Variants in KIF20B observed in about 807,000 individuals in gnomAD.
KIF20B encodes the protein kinesin family member 20B, also known as kinesin-like protein KIF20B.
KIF20B carries 188 observed loss-of-function variants against 232.5 expected under a neutral mutation model. That is an observed-to-expected ratio of 0.81 (90% CI 0.72 to 0.91). The LOEUF is 0.91. Ranked by LOEUF, KIF20B falls within the 40% of genes least tolerant of loss-of-function variation. The pLI, the probability that KIF20B is intolerant of heterozygous loss-of-function variation, is 0.00. For missense variants in KIF20B, 2,154 were observed against 2,055.9 expected (o/e 1.05, Z -0.92); for synonymous variants, 712 against 683.0 (o/e 1.04, Z -0.66).
At chr10:89,762,526 T>C in intron 28 of KIF20B, 112 bp from the exon 29 acceptor site, 1 of 742,922 alleles carries the variant, frequency 1.3e-6, no homozygotes, top group Non-Finnish European at 2.2e-6. Flanking sequence ...CTAGCACGCT[T>C]TTTGTCTTTC....
intron 1 of KIF20B, among the ~76,000 whole-genome samples, chr10:89,702,760 T>G (rs1842638906): frequency 6.6e-6 from 1 of 151,210 alleles, no homozygotes; most frequent in African/African-American, 2.4e-5. Flanking sequence ...ACCGACTTTT[T>G]TTTTTTTTTT....
chr10:89,720,908 C>T (rs1252442422), intron 13 of KIF20B, among the ~76,000 whole-genome samples: 1 of 152,156 alleles, frequency 6.6e-6, no homozygotes. Context: ...TGGGGTTTCA[C>T]CATGTTGGCC....
chr10:89,735,553 T>TTTTTTTA (rs1412532980), intron 19 of KIF20B, among the ~76,000 whole-genome samples: 3 of 148,506 alleles, frequency 2.0e-5, no homozygotes, highest in African/African-American at 7.5e-5. Flanking sequence ...TTTTTTTTTT[T>TTTTTTTA]TTTGAGACAG....
chr10:89,716,521 A>G lies in KIF20B; in HGVS notation c.1026A>G (p.Thr342=). The change falls in exon 9 of 33, where the codon ACA becomes ACG. Residue 342 remains threonine (T), a synonymous_variant. Transcript: ENST00000371728. ...TAAAGCACCAGAGTGTTGCCTTCACAAAATTGAATAATGCTTCCAGTAGAA... is the reference window on the plus strand; with the variant it reads ...TAAAGCACCAGAGTGTTGCCTTCACGAAATTGAATAATGCTTCCAGTAGAA... ...LGIKHQSVAF[T]KLNNASSRSH... The G allele has an allele frequency of 3.2e-6, 5 of 1,562,484 alleles. No individual in the cohort carries two copies. The highest frequency in any genetic ancestry group is 4.4e-6 in the Non-Finnish European group (5 of 1,140,622).
At chr10:89,750,042 AT>A (rs1415849955) in intron 23 of KIF20B, among the ~76,000 whole-genome samples, 1 of 151,982 alleles carries the variant, frequency 6.6e-6, no homozygotes, top group African/African-American at 2.4e-5. Flanking sequence ...CCATTTTATC[AT>A]TTTGGTGTGT....
intron 28 of KIF20B, among the ~76,000 whole-genome samples, chr10:89,762,039 G>A (rs1473536210): frequency 6.6e-6 from 1 of 152,088 alleles, no homozygotes; most frequent in Admixed American, 6.6e-5. Flanking sequence ...TTAATTTGTG[G>A]TCTCTCCCTG....
chr10:89,774,253 CTG>C lies in KIF20B; in HGVS notation c.*207_*208del. 3.0e-6 allele frequency: 1 copy of C among 333,254 alleles called. No individual in the cohort carries two copies. The highest frequency in any genetic ancestry group is 5.5e-6 in the Non-Finnish European group (1 of 182,812). 20.6% of individuals were successfully genotyped at this position (333,254 alleles called of 1,614,324 possible). On this transcript the variant is annotated 3_prime_UTR_variant, in exon 33 of 33. Coordinates refer to ENST00000371728, the MANE Select transcript of KIF20B (RefSeq NM_001284259.2). ...CTTTTTTATAATAGCTTCTTTCAAA[CTG>C]TATTTCCCTATTATCTCAGACATTG...
intron 2 of KIF20B, among the ~76,000 whole-genome samples, chr10:89,707,036 A>G (rs1842737450): frequency 1.3e-5 from 2 of 152,166 alleles, no homozygotes; most frequent in South Asian, 4.1e-4. Flanking sequence ...CCATGAACAC[A>G]GTATTCTTCA....
chr10:89,744,026 G>A, intron 22 of KIF20B, 99 bp downstream of exon 22: 1 of 924,090 alleles, frequency 1.1e-6, no homozygotes, highest in Non-Finnish European at 1.6e-6. Context: ...ATCCTGTTTT[G>A]ACTTTTTCTA....
At chr10:89,764,662 T>C (rs1352511323) in intron 29 of KIF20B, among the ~76,000 whole-genome samples, 2 of 151,998 alleles carry the variant, frequency 1.3e-5, no homozygotes, top group East Asian at 1.9e-4. Context: ...ATGAGCATTT[T>C]TTCATGTGTT....
chr10:89,732,111 T>C (rs1169518879), intron 18 of KIF20B, among the ~76,000 whole-genome samples: 3 of 144,782 alleles, frequency 2.1e-5, no homozygotes, highest in Admixed American at 6.9e-5. Flanking sequence ...GTTCCCCCCC[T>C]CTCTCAGCTC....
At position 89,739,093 on chromosome 10, in the gene KIF20B, A is replaced by G. The variant is rs757353966; in HGVS notation, c.3912A>G (p.Lys1304=). The change falls in exon 21 of 33, where the codon AAA becomes AAG. Residue 1304 remains lysine, a synonymous_variant. Transcript: ENST00000371728. ...DAKKQIKQVQ[K]EVSVMRDEDK... ...AAAAGCAGATTAAGCAAGTACAGAA[A>G]GAGGTAGGTTATTTGAAAAGTTATG... 1.2e-6 allele frequency: 2 copies of G among 1,611,162 alleles called. No individual in the cohort carries two copies. The highest frequency in any genetic ancestry group is 1.7e-6 in the Non-Finnish European group (2 of 1,179,126).
chr10:89,705,472 T>G, intron 2 of KIF20B, 31 bp downstream of exon 2: 4 of 1,600,408 alleles, frequency 2.5e-6, no homozygotes, highest in Non-Finnish European at 2.6e-6. Context: ...GTGTTGATTA[T>G]CATGCCTCCT....
intron 9 of KIF20B, 47 bp from the exon 10 acceptor site, chr10:89,717,377 T>G (rs1443702690): frequency 2.5e-6 from 3 of 1,189,678 alleles, no homozygotes; most frequent in Non-Finnish European, 3.7e-6. Flanking sequence ...CTATTTAGAA[T>G]GCAGAAATTA....
At chr10:89,727,818 G>A in intron 16 of KIF20B, 38 bp from the exon 17 acceptor site, 1 of 1,486,460 alleles carries the variant, frequency 6.7e-7, no homozygotes, top group East Asian at 2.3e-5. Context: ...ATTTTTAGAT[G>A]CTTAGATATT....
chr10:89,768,657 C>A, intron 30 of KIF20B, 81 bp from the exon 31 acceptor site: 1 of 1,299,528 alleles, frequency 7.7e-7, no homozygotes. Flanking sequence ...CTGTCTCTGG[C>A]CTCTTTAATT....
Position 89,738,997 on chromosome 10 carries a change from G to T in KIF20B, c.3816G>T (p.Gln1272His), listed in dbSNP as rs779935159. ...TCTCTGCAAGCTCTGCTCGTACCCA[G>T]AATCTGAAAGCAGATCTTCAGAGGA... ...EELSASSARTQNLKADLQRKE... is the reference protein window; with the variant it reads ...EELSASSARTHNLKADLQRKE... The change falls in exon 21 of 33, where the codon CAG becomes CAT. Residue 1272 changes from glutamine to histidine, a missense_variant. Coordinates refer to ENST00000371728, the MANE Select transcript of KIF20B (RefSeq NM_001284259.2). 1 of 1,613,148 alleles carries T rather than the reference G, an allele frequency of 6.2e-7. No homozygotes were observed. Among genetic ancestry groups the T allele is most frequent in the African/African-American group, 1.3e-5 (1 of 74,900 alleles).
chr10:89,720,122 C>T (rs1843021439), intron 13 of KIF20B, among the ~76,000 whole-genome samples: 1 of 152,042 alleles, frequency 6.6e-6, no homozygotes, highest in South Asian at 2.1e-4. Flanking sequence ...TGAGAGTTCC[C>T]CAGTGTTCCA....
At chr10:89,746,608 C>A (rs543759753) in intron 23 of KIF20B, among the ~76,000 whole-genome samples, 32 of 152,146 alleles carry the variant, frequency 2.1e-4, no homozygotes, top group Admixed American at 5.2e-4. Context: ...CCAGGGTGGT[C>A]TTGAAAAATG....
Sources: allele counts gnomAD v4.1 joint callset (sites outside exome capture counted in the v4.1 genomes callset), GRCh38; gene constraint gnomAD v4.1.1; transcripts MANE v1.5; gene names NCBI Gene and HGNC (gene_info 2026-07-23, HGNC 2026-07-21).